C12orf42: variants seen among roughly 807,000 people sequenced by gnomAD.
The protein encoded by C12orf42 is chromosome 12 open reading frame 42.
A neutral mutation model predicts 21.6 loss-of-function variants in C12orf42; 25 were observed. The ratio of observed to expected loss-of-function variants is 1.16; its 90% CI spans 0.84 to 1.62. C12orf42 has a LOEUF of 1.62. Ranked by LOEUF, C12orf42 falls within the 40% of genes most tolerant of loss-of-function variation. The pLI is 0.00. For synonymous variants in C12orf42, 174 were observed against 175.0 expected (o/e 0.99, Z 0.05); for missense variants, 483 against 459.3 (o/e 1.05, Z -0.47).
intron 10 of C12orf42, among the ~76,000 whole-genome samples, chr12:103,253,963 A>G (rs2034433567): frequency 6.6e-6 from 1 of 152,076 alleles, no homozygotes; most frequent in Admixed American, 6.6e-5. Context: ...TTTGTTGTGC[A>G]GAAGCTCTTT....
chr12:103,156,800 T>C, the C12orf42 span, among the ~76,000 whole-genome samples: 6 of 152,218 alleles, frequency 3.9e-5, no homozygotes, highest in Admixed American at 1.3e-4. Flanking sequence ...GCAAAGGACA[T>C]GATTTCATTC....
the C12orf42 span, among the ~76,000 whole-genome samples, chr12:103,105,054 A>G: frequency 6.6e-6 from 1 of 152,210 alleles, no homozygotes; most frequent in East Asian, 1.9e-4. Context: ...GCAAAGAAAC[A>G]CAAGTAAGGA....
chr12:103,146,560 A>AAAAGAAAGAAAGAATGAAAG, the C12orf42 span, among the ~76,000 whole-genome samples: 3 of 119,958 alleles, frequency 2.5e-5, no homozygotes, highest in South Asian at 3.0e-4. Flanking sequence ...ATAAAGAAAG[A>AAAAGAAAGAAAGAATGAAAG]AAAGAAAGAA....
At chr12:103,215,428 T>C in the C12orf42 span, among the ~76,000 whole-genome samples, 1 of 136,914 alleles carries the variant, frequency 7.3e-6, no homozygotes, top group Non-Finnish European at 1.7e-5. Context: ...TCCACTTGAG[T>C]ATCCCTCCTG....
intron 3 of C12orf42, among the ~76,000 whole-genome samples, chr12:103,384,885 C>G (rs1401495862): frequency 1.3e-5 from 2 of 152,168 alleles, no homozygotes; most frequent in Non-Finnish European, 2.9e-5. Context: ...GACCTAGGTT[C>G]GTGTCTGAAG....
chr12:103,434,689 G>A (rs999573615), intron 2 of C12orf42, among the ~76,000 whole-genome samples: 7 of 152,128 alleles, frequency 4.6e-5, no homozygotes, highest in South Asian at 2.1e-4. Flanking sequence ...TGCGCTTTTC[G>A]GACCGGCTTA....
chr12:103,263,740 A>G (rs1416465856), downstream of C12orf42, among the ~76,000 whole-genome samples: 1 of 152,112 alleles, frequency 6.6e-6, no homozygotes, highest in African/African-American at 2.4e-5. Context: ...CTGGACTCTC[A>G]TATGTAACTG....
intron 2 of C12orf42, among the ~76,000 whole-genome samples, chr12:103,429,992 C>T (rs1950144512): frequency 6.6e-6 from 1 of 152,072 alleles, no homozygotes; most frequent in African/African-American, 2.4e-5. Flanking sequence ...AACACTTAAA[C>T]ATAAGACCTA....
the C12orf42 span, among the ~76,000 whole-genome samples, chr12:103,089,240 C>G: frequency 6.6e-6 from 1 of 151,926 alleles, no homozygotes; most frequent in Non-Finnish European, 1.5e-5. Flanking sequence ...TCATGAGAGA[C>G]CCTGAGTCAG....
the C12orf42 span, among the ~76,000 whole-genome samples, chr12:103,095,440 C>T: frequency 6.6e-6 from 1 of 152,216 alleles, no homozygotes; most frequent in East Asian, 1.9e-4. Context: ...GCTCCTGTGC[C>T]CCATTGTTCC....
chr12:103,273,663 A>G, intron 5 of C12orf42: 1 of 310,838 alleles, frequency 3.2e-6, no homozygotes. Context: ...CCCAAGAGGT[A>G]AGAATAAGAA....
the C12orf42 span, among the ~76,000 whole-genome samples, chr12:103,054,052 T>A: frequency 2.0e-5 from 3 of 152,032 alleles, no homozygotes; most frequent in East Asian, 1.9e-4. Context: ...CTTTCCAAAA[T>A]CATTTTAGTT....
chr12:103,077,873 G>C, the C12orf42 span, among the ~76,000 whole-genome samples: 1 of 152,114 alleles, frequency 6.6e-6, no homozygotes, highest in Non-Finnish European at 1.5e-5. Flanking sequence ...CACAATAGTT[G>C]CCCTCATTGG....
the C12orf42 span, among the ~76,000 whole-genome samples, chr12:103,507,021 A>AT: frequency 0.045 from 358 of 7,910 alleles, 46 homozygotes; most frequent in African/African-American, 0.061. Flanking sequence ...ATAAATATAT[A>AT]TTTATATATA....
the C12orf42 span, among the ~76,000 whole-genome samples, chr12:103,088,163 TAGG>T: frequency 1.3e-5 from 2 of 152,216 alleles, no homozygotes; most frequent in Non-Finnish European, 2.9e-5. Context: ...CCTAGAATGT[TAGG>T]AGAATTTTCC....
At chr12:103,358,574 T>TGGCA (rs910249684) in intron 4 of C12orf42, among the ~76,000 whole-genome samples, 1 of 151,290 alleles carries the variant, frequency 6.6e-6, no homozygotes, top group Non-Finnish European at 1.5e-5. Flanking sequence ...ACCCAGTAAA[T>TGGCA]GGCAGTACCA....
chr12:103,198,310 G>A, the C12orf42 span, among the ~76,000 whole-genome samples: 2 of 152,184 alleles, frequency 1.3e-5, no homozygotes, highest in East Asian at 1.9e-4. Context: ...AGCTATGACA[G>A]TGGCACTGGG....
chr12:103,291,439 A>G (rs1027491148), intron 4 of C12orf42, among the ~76,000 whole-genome samples: 4 of 152,344 alleles, frequency 2.6e-5, no homozygotes, highest in African/African-American at 9.6e-5. Context: ...CTGACAGAGT[A>G]GCGAAAGCAA....
At chr12:103,370,817 C>CCAAA (rs2045145773) in intron 3 of C12orf42, among the ~76,000 whole-genome samples, 1 of 152,046 alleles carries the variant, frequency 6.6e-6, no homozygotes, top group Admixed American at 6.6e-5. Context: ...TGTCTGTACA[C>CCAAA]CAAACCCCTG....
Sources: allele counts gnomAD v4.1 joint callset (sites outside exome capture counted in the v4.1 genomes callset), GRCh38; gene constraint gnomAD v4.1.1; transcripts MANE v1.5; gene names NCBI Gene and HGNC (gene_info 2026-07-23, HGNC 2026-07-21).